SSBP2: variants seen among roughly 807,000 people sequenced by gnomAD.
The protein encoded by SSBP2 is single stranded DNA binding protein 2.
Under a neutral mutation model 61.8 loss-of-function variants are expected in SSBP2, and 17 were observed. The ratio of observed to expected loss-of-function variants is 0.28; its 90% confidence interval spans 0.19 to 0.41. The LOEUF (loss-of-function observed/expected upper bound fraction) is 0.41, where lower values mean the gene tolerates loss of function less well. Among genes scored for constraint, SSBP2 ranks in the 10% least tolerant of loss-of-function variants. The pLI is 1.00. For synonymous variants in SSBP2, 139 were observed against 141.3 expected (o/e 0.98, Z 0.12); for missense variants, 310 against 458.7 (o/e 0.68, Z 2.96).
intron 1 of SSBP2, among the ~76,000 whole-genome samples, chr5:81,733,484 TG>T (rs1184043791): frequency 6.6e-6 from 1 of 152,136 alleles, no homozygotes; most frequent in Non-Finnish European, 1.5e-5. Flanking sequence ...GGAAACTCAT[TG>T]GTCTTAACAC....
intron 4 of SSBP2, among the ~76,000 whole-genome samples, chr5:81,572,231 T>G (rs76028563): frequency 0.075 from 11,378 of 152,248 alleles, 442 homozygotes; most frequent in Middle Eastern, 0.11. Context: ...TGAGTAATTG[T>G]AAGAATGTTT....
At chr5:81,740,489 A>G (rs1756941852) in intron 1 of SSBP2, among the ~76,000 whole-genome samples, 1 of 152,250 alleles carries the variant, frequency 6.6e-6, no homozygotes, top group African/African-American at 2.4e-5. Flanking sequence ...AATAGCCAGT[A>G]TTACAGAAAT....
chr5:81,750,977 T>G lies in SSBP2; in HGVS notation c.62+4A>C. 2 of 1,592,016 alleles carry G rather than the reference T, an allele frequency of 1.3e-6. No homozygotes were observed. Among genetic ancestry groups the G allele is most frequent in the Non-Finnish European group, 1.7e-6 (2 of 1,169,240 alleles). On this transcript the variant is annotated splice_donor_region_variant and intron_variant, in intron 1 of 16. Coordinates refer to ENST00000320672, the MANE Select transcript of SSBP2 (RefSeq NM_012446.5). ...GGAGGTGGGTGAGAAGCGGAGACAC[T>G]TACTTCTCCCGGGCCTGGCTGTCGG...
At chr5:81,718,255 T>C (rs1166944951) in intron 1 of SSBP2, among the ~76,000 whole-genome samples, 2 of 152,154 alleles carry the variant, frequency 1.3e-5, no homozygotes, top group African/African-American at 2.4e-5. Flanking sequence ...GGGTTTTTCA[T>C]TGTAGCTATA....
intron 1 of SSBP2, among the ~76,000 whole-genome samples, chr5:81,744,611 GAA>G (rs562652038): frequency 6.9e-6 from 1 of 145,034 alleles, no homozygotes. Context: ...TTTAAAACTA[GAA>G]AAAAAAAAAC....
intron 1 of SSBP2, among the ~76,000 whole-genome samples, chr5:81,723,934 T>G (rs190761054): frequency 2.6e-5 from 4 of 152,122 alleles, no homozygotes; most frequent in African/African-American, 9.6e-5. Context: ...TTTCTATGCT[T>G]CTTTGCTGAG....
chr5:81,602,903 A>G (rs747863839), intron 4 of SSBP2, among the ~76,000 whole-genome samples: 1 of 152,128 alleles, frequency 6.6e-6, no homozygotes, highest in Admixed American at 6.6e-5. Flanking sequence ...TCCGTATCAA[A>G]TAACACTGTG....
At chr5:81,558,385 C>A (rs753396627) in intron 4 of SSBP2, among the ~76,000 whole-genome samples, 6 of 152,192 alleles carry the variant, frequency 3.9e-5, no homozygotes, top group African/African-American at 7.2e-5. Context: ...TGAGGACACA[C>A]TTCCTGGTTT....
At chr5:81,654,458 T>C (rs1201344187) in intron 1 of SSBP2, among the ~76,000 whole-genome samples, 1 of 152,162 alleles carries the variant, frequency 6.6e-6, no homozygotes, top group Non-Finnish European at 1.5e-5. Flanking sequence ...GAAAGCACAG[T>C]AAGTAATAAC....
At chr5:81,459,144 G>A (rs1401545984) in intron 10 of SSBP2, among the ~76,000 whole-genome samples, 2 of 152,102 alleles carry the variant, frequency 1.3e-5, no homozygotes, top group Non-Finnish European at 2.9e-5. Flanking sequence ...GTTTCTCAGG[G>A]TCTAAAATAA....
intron 4 of SSBP2, among the ~76,000 whole-genome samples, chr5:81,515,709 C>T (rs973820844): frequency 2.6e-5 from 4 of 151,148 alleles, no homozygotes; most frequent in Admixed American, 2.0e-4. Flanking sequence ...TAGCAGGCTA[C>T]ATTGTTTAAA....
At chr5:81,599,327 A>AT (rs1744109841) in intron 4 of SSBP2, among the ~76,000 whole-genome samples, 1 of 152,200 alleles carries the variant, frequency 6.6e-6, no homozygotes, top group South Asian at 2.1e-4. Flanking sequence ...GCAAGTTTCT[A>AT]TTTTTCCCCT....
intron 14 of SSBP2, among the ~76,000 whole-genome samples, chr5:81,438,466 GC>G (rs1473761099): frequency 6.6e-6 from 1 of 151,654 alleles, no homozygotes; most frequent in Non-Finnish European, 1.5e-5. Flanking sequence ...AATTTTCCTA[GC>G]ATAAAAATAA....
chr5:81,515,516 T>C (rs1768948147), intron 4 of SSBP2, among the ~76,000 whole-genome samples: 1 of 151,972 alleles, frequency 6.6e-6, no homozygotes, highest in South Asian at 2.1e-4. Flanking sequence ...AGAGATGTAA[T>C]TTCTCCCTCA....
chr5:81,489,453 G>A (rs1766691118), intron 5 of SSBP2, 144 bp from the exon 6 acceptor site: 3 of 625,228 alleles, frequency 4.8e-6, no homozygotes, highest in South Asian at 3.0e-5. Flanking sequence ...CATAATAAAT[G>A]CTTTTAAGAA....
chr5:81,535,033 C>T (rs998937024), intron 4 of SSBP2, among the ~76,000 whole-genome samples: 1 of 151,742 alleles, frequency 6.6e-6, no homozygotes, highest in African/African-American at 2.4e-5. Context: ...TATCAGAAAC[C>T]ATGCAATCAA....
intron 2 of SSBP2, among the ~76,000 whole-genome samples, chr5:81,637,879 T>C (rs1290744920): frequency 1.3e-5 from 2 of 152,080 alleles, no homozygotes; most frequent in East Asian, 3.9e-4. Context: ...ATAGACTGGA[T>C]TAAGAAACTG....
chr5:81,470,080 CTATCATACA>C (rs1436229989), intron 8 of SSBP2, among the ~76,000 whole-genome samples: 2 of 151,874 alleles, frequency 1.3e-5, no homozygotes, highest in African/African-American at 4.8e-5. Context: ...ACATGAGAGC[CTATCATACA>C]TATATTGCCA....
intron 4 of SSBP2, among the ~76,000 whole-genome samples, chr5:81,589,243 A>G (rs77005002): frequency 0.011 from 1,684 of 152,354 alleles, 43 homozygotes; most frequent in African/African-American, 0.038. Flanking sequence ...GTTAAAAGAC[A>G]TATTTTGAGA....
Sources: gnomAD v4.1 joint callset for allele counts (sites outside exome capture counted in the v4.1 genomes callset) on GRCh38, gnomAD v4.1.1 for gene constraint, MANE v1.5 for transcripts, NCBI Gene and HGNC (gene_info 2026-07-23, HGNC 2026-07-21) for gene names.